Variants in NEK4 observed in about 807,000 individuals in gnomAD.
NEK4 encodes serine/threonine-protein kinase Nek4.
Under a neutral mutation model 98.4 loss-of-function variants are expected in NEK4, and 86 were observed. The ratio of observed to expected loss-of-function variants is 0.87; its 90% confidence interval spans 0.73 to 1.05. The LOEUF is 1.05. Ranked by LOEUF, NEK4 falls within the 50% of genes least tolerant of loss-of-function variation. The probability of loss-of-function intolerance (pLI) is 0.00; values close to 1 mark genes in which losing one functional copy is unlikely to be tolerated. For synonymous variants in NEK4, 328 were observed against 342.2 expected (o/e 0.96, Z 0.46); for missense variants, 898 against 950.3 (o/e 0.94, Z 0.72).
At chr3:52,741,282 A>G in intron 13 of NEK4, 129 bp downstream of exon 13, 1 of 556,886 alleles carries the variant, frequency 1.8e-6, no homozygotes, top group Non-Finnish European at 3.2e-6. Flanking sequence ...TAGCTCCAGC[A>G]TATGCCACAA....
chr3:52,721,782 G>T (rs889781627), intron 15 of NEK4, among the ~76,000 whole-genome samples: 1 of 151,320 alleles, frequency 6.6e-6, no homozygotes, highest in African/African-American at 2.4e-5. Context: ...AATTTGGAAA[G>T]TTACCATGCA....
At chr3:52,717,325 T>C (rs1053039608) in intron 15 of NEK4, among the ~76,000 whole-genome samples, 2 of 150,890 alleles carry the variant, frequency 1.3e-5, no homozygotes, top group Non-Finnish European at 2.9e-5. Flanking sequence ...GAGAATCACT[T>C]GAATCCAGCA....
Position 52,766,182 on chromosome 3 carries a change from T to C in NEK4, c.554A>G (p.Tyr185Cys), listed in dbSNP as rs200500262. The change falls in exon 3 of 16, where the codon TAT (tyrosine) becomes TGT (cysteine). Residue 185 changes from tyrosine to cysteine, a missense_variant. By Grantham distance (194) the Tyr-to-Cys change is radical (BLOSUM62 -2). Coordinates refer to ENST00000233027, the MANE Select transcript of NEK4 (RefSeq NM_003157.6). ...GCATACAGAGCCCAATCCTACCTTA[T>C]AGTTGTAGGGTTTGTTTGAGAACAA... ...PELFSNKPYN[Y>C]KSDVWALGCC... 1.9e-5 allele frequency: 30 copies of C among 1,613,074 alleles called. No individual in the cohort carries two copies. Among genetic ancestry groups the C allele is most frequent in the South Asian group, 1.8e-4 (16 of 91,054 alleles).
Position 52,734,822 on chromosome 3 carries a change from A to C in NEK4, c.2433+2764T>G, listed in dbSNP as rs866139475. 9.8e-6 allele frequency: 3 copies of C among 307,482 alleles called. No individual in the cohort carries two copies. The East Asian group carries it at 3.0e-4, about 31-fold the overall frequency. The allele number at this position is 307,482 out of a possible 1,614,324, so 19.0% of individuals were successfully genotyped here. Reference sequence around the variant, plus strand: ...TGATGATCTGACTGGGGAGCCTCTCATTCAGCAAGAGGATGATAAACCAGA... The same window carrying C: ...TGATGATCTGACTGGGGAGCCTCTCCTTCAGCAAGAGGATGATAAACCAGA... On this transcript the variant is annotated intron_variant, in intron 15 of 15. Transcript: ENST00000233027.
chr3:52,714,593 C>G (rs938509972), intron 15 of NEK4, among the ~76,000 whole-genome samples: 1 of 152,222 alleles, frequency 6.6e-6, no homozygotes, highest in Non-Finnish European at 1.5e-5. Context: ...TCCCCAGAGC[C>G]CGCCCCTGGG....
At chr3:52,731,569 G>A (rs1296247054) in intron 15 of NEK4, among the ~76,000 whole-genome samples, 1 of 152,248 alleles carries the variant, frequency 6.6e-6, no homozygotes, top group South Asian at 2.1e-4. Context: ...AACACATGGT[G>A]ACGGGACAAC....
rs1274716009 is a variant in NEK4 at position 52,728,078 on chromosome 3, T to A, written c.2433+9508A>T. ...ACAGACCTTGTTTCTACAAAAAATT[T>A]AAAAAATTAAGGTGCCAGGCATGGT... On this transcript the variant is annotated intron_variant, in intron 15 of 15. Transcript: ENST00000233027. Among the ~76,000 whole-genome samples, 9 of 152,082 alleles carry A rather than the reference T, an allele frequency of 5.9e-5. No individual in the cohort carries two copies. In the South Asian group the frequency reaches 8.3e-4, roughly 14 times the overall value.
rs796071700 is a variant in NEK4 at position 52,738,335 on chromosome 3, T to C, written c.2300-616A>G. Among the ~76,000 whole-genome samples the C allele has an allele frequency of 5.3e-5, 8 of 151,190 alleles. No homozygotes were observed. The South Asian group carries it at 1.7e-3, about 32-fold the overall frequency. On this transcript the variant is annotated intron_variant, in intron 14 of 15. Coordinates refer to ENST00000233027, the MANE Select transcript of NEK4 (RefSeq NM_003157.6). The stretch of plus-strand genomic sequence containing the variant: ...CCCGGTTGGTCTTGAACTCCTGGCC[T>C]CAAGCAATCCTCCCACCTTGGCCTC...
chr3:52,744,170 A>C lies in NEK4; in HGVS notation c.1894+69T>G, dbSNP rs528516338. Reference sequence around the variant, plus strand: ...GAAAGTTTCAACCTCTCATAGTTAGAACCAGTGTTTCTGTCCACGAACCAT... The same window carrying C: ...GAAAGTTTCAACCTCTCATAGTTAGCACCAGTGTTTCTGTCCACGAACCAT... On this transcript the variant is annotated intron_variant, in intron 11 of 15. Coordinates refer to ENST00000233027, the MANE Select transcript of NEK4 (RefSeq NM_003157.6). 9 of 1,097,364 alleles carry C rather than the reference A, an allele frequency of 8.2e-6. No homozygotes were observed. The Admixed American group carries it at 1.4e-4, about 16-fold the overall frequency. 68.0% of individuals were successfully genotyped at this position (1,097,364 alleles called of 1,614,324 possible).
At chr3:52,737,929 T>G (rs973491789) in intron 14 of NEK4, among the ~76,000 whole-genome samples, 5 of 152,136 alleles carry the variant, frequency 3.3e-5, no homozygotes, top group Non-Finnish European at 7.4e-5. Context: ...TTCTCCTGCC[T>G]CAGCCTCCCG....
chr3:52,712,032 C>T lies in NEK4; in HGVS notation c.2434-163G>A, dbSNP rs529004692. Among the ~76,000 whole-genome samples, 4 of 152,136 alleles carry T rather than the reference C, an allele frequency of 2.6e-5. No individual in the cohort carries two copies. The East Asian group carries it at 5.8e-4, about 22-fold the overall frequency. ...AAAACTTTTAAACTTCAAGATGTTT[C>T]GAAAAGTCGTAAGAAATTAAAGAGC... On this transcript the variant is annotated intron_variant, in intron 15 of 15. Transcript: ENST00000233027.
chr3:52,715,823 G>A (rs1203466720), intron 15 of NEK4, among the ~76,000 whole-genome samples: 1 of 152,256 alleles, frequency 6.6e-6, no homozygotes, highest in Non-Finnish European at 1.5e-5. Flanking sequence ...AAACATGTTA[G>A]GAGCTGAAAC....
intron 6 of NEK4, chr3:52,753,447 G>A (rs546366823): frequency 9.1e-5 from 34 of 374,238 alleles, no homozygotes; most frequent in Non-Finnish European, 1.2e-4. Context: ...CACAATGCCC[G>A]GAAGGCTGGT....
intron 15 of NEK4, among the ~76,000 whole-genome samples, chr3:52,723,527 C>T (rs1007662128): frequency 6.6e-6 from 1 of 151,990 alleles, no homozygotes; most frequent in African/African-American, 2.4e-5. Context: ...CAGGCATGAG[C>T]CACCATGCCC....
intron 8 of NEK4, among the ~76,000 whole-genome samples, 155 bp from the exon 9 acceptor site, chr3:52,747,059 T>C (rs747340648): frequency 1.1e-4 from 16 of 152,214 alleles, no homozygotes; most frequent in Non-Finnish European, 1.9e-4. Flanking sequence ...TAGTGTTACA[T>C]GGAAGTTCTA....
At chr3:52,718,816 C>T (rs1236592777) in intron 15 of NEK4, among the ~76,000 whole-genome samples, 1 of 152,182 alleles carries the variant, frequency 6.6e-6, no homozygotes, top group Non-Finnish European at 1.5e-5. Flanking sequence ...TGCAATGGCA[C>T]AATCTCGGCT....
intron 15 of NEK4, among the ~76,000 whole-genome samples, chr3:52,714,007 G>T (rs1463912006): frequency 1.3e-5 from 2 of 152,126 alleles, no homozygotes; most frequent in Non-Finnish European, 2.9e-5. Context: ...GGCCAAAGCG[G>T]GCTGATCCCT....
Position 52,739,510 on chromosome 3 carries a change from G to A in NEK4, c.2218C>T (p.Arg740Trp), listed in dbSNP as rs752642184. The change falls in exon 14 of 16, where the codon CGG (arginine) becomes TGG (tryptophan). Residue 740 changes from arginine (R) to tryptophan (W), a missense_variant. Physicochemically the swap from Arg to Trp is moderately radical, Grantham distance 101. Coordinates refer to ENST00000233027, the MANE Select transcript of NEK4 (RefSeq NM_003157.6). ...AGTATCAGTGTGTCCCGATATTTCC[G>A]ATGAAGTTTGAATTCTGACACTGGG... ...ANPVSEFKLH[R>W]KYRDTLILHG... 5 of 1,614,100 alleles carry A rather than the reference G, an allele frequency of 3.1e-6. No homozygotes were observed. Among genetic ancestry groups the A allele is most frequent in the East Asian group, 4.5e-5 (2 of 44,884 alleles).
chr3:52,768,024 C>G (rs1578712528), intron 2 of NEK4, among the ~76,000 whole-genome samples: 1 of 152,172 alleles, frequency 6.6e-6, no homozygotes, highest in East Asian at 1.9e-4. Context: ...ACACGACTGA[C>G]CAATGGATAA....
Sources: allele counts gnomAD v4.1 joint callset (sites outside exome capture counted in the v4.1 genomes callset), GRCh38; gene constraint gnomAD v4.1.1; transcripts MANE v1.5; gene names NCBI Gene and HGNC (gene_info 2026-07-23, HGNC 2026-07-21).